The following TMEM131L variants were observed in gnomAD, a reference collection of about 807,000 sequenced individuals.
TMEM131L encodes the protein transmembrane 131 like.
TMEM131L carries 54 observed loss-of-function variants against 192.2 expected under a neutral mutation model. The ratio of observed to expected loss-of-function variants is 0.28; its 90% CI spans 0.23 to 0.35. The LOEUF (loss-of-function observed/expected upper bound fraction) is 0.35. Ranked by LOEUF, TMEM131L falls within the 10% of genes least tolerant of loss-of-function variation. TMEM131L has a pLI of 1.00. For synonymous variants in TMEM131L, 701 were observed against 704.9 expected, an observed-to-expected ratio of 0.99 and a Z score of 0.09; for missense variants, 1,888 against 1,972.9, an observed-to-expected ratio of 0.96 and a Z score of 0.82.
intron 32 of TMEM131L, among the ~76,000 whole-genome samples, chr4:153,633,774 A>G (rs891686602): frequency 6.6e-6 from 1 of 152,240 alleles, no homozygotes; most frequent in Non-Finnish European, 1.5e-5. Flanking sequence ...ATAATGAAGT[A>G]TAGTCTTTAT....
intron 3 of TMEM131L, among the ~76,000 whole-genome samples, chr4:153,487,905 G>A (rs1300603190): frequency 3.3e-5 from 5 of 151,788 alleles, no homozygotes; most frequent in Non-Finnish European, 5.9e-5. Context: ...TGGGCCTGTG[G>A]CTGAGATGTG....
intron 3 of TMEM131L, among the ~76,000 whole-genome samples, chr4:153,537,811 A>G (rs578190414): frequency 6.6e-6 from 1 of 152,284 alleles, no homozygotes; most frequent in Admixed American, 6.5e-5. Context: ...TTTAAGATGG[A>G]GTTGCTCTGG....
intron 3 of TMEM131L, among the ~76,000 whole-genome samples, chr4:153,489,634 T>C (rs1387017309): frequency 6.6e-6 from 1 of 152,136 alleles, no homozygotes; most frequent in African/African-American, 2.4e-5. Context: ...TGTACCACCA[T>C]GCCCGGCTAA....
intron 17 of TMEM131L, among the ~76,000 whole-genome samples, chr4:153,591,651 G>T (rs759895686): frequency 6.6e-6 from 1 of 152,166 alleles, no homozygotes; most frequent in East Asian, 1.9e-4. Context: ...AGGGAAGGAC[G>T]TGCCTCCAGC....
intron 3 of TMEM131L, among the ~76,000 whole-genome samples, chr4:153,489,649 TGTATTTTTA>T (rs1193242604): frequency 6.6e-5 from 10 of 152,134 alleles, no homozygotes; most frequent in Admixed American, 6.5e-4. Context: ...GGCTAATTTT[TGTATTTTTA>T]GTAGAGACGG....
At chr4:153,557,493 CATTG>C (rs1728553243) in intron 6 of TMEM131L, among the ~76,000 whole-genome samples, 1 of 152,214 alleles carries the variant, frequency 6.6e-6, no homozygotes, top group South Asian at 2.1e-4. Context: ...AATTAGGAGA[CATTG>C]ATTGTGTGCT....
intron 7 of TMEM131L, among the ~76,000 whole-genome samples, chr4:153,577,237 C>T (rs529717711): frequency 1.6e-4 from 25 of 152,114 alleles, no homozygotes; most frequent in Middle Eastern, 3.4e-3. Flanking sequence ...AGGCAGGTGC[C>T]GGAGTTTTAT....
At chr4:153,472,240 C>T (rs1024113263) in intron 2 of TMEM131L, among the ~76,000 whole-genome samples, 9 of 152,096 alleles carry the variant, frequency 5.9e-5, no homozygotes, top group Admixed American at 4.6e-4. Flanking sequence ...AGTGACAGTC[C>T]TAGGAGAGTA....
intron 3 of TMEM131L, among the ~76,000 whole-genome samples, chr4:153,504,493 TG>T (rs1311646597): frequency 2.6e-5 from 4 of 151,174 alleles, no homozygotes; most frequent in Non-Finnish European, 5.9e-5. Flanking sequence ...TTGGTCAGGC[TG>T]GTCTCTAACT....
At chr4:153,632,480 T>C (rs1011113086) in intron 31 of TMEM131L, 1 of 490,752 alleles carries the variant, frequency 2.0e-6, no homozygotes, top group South Asian at 2.5e-5. Flanking sequence ...CAAATATTTG[T>C]TATGTGAGTC....
rs770603039 is a variant in TMEM131L, at chr4:153,586,309, A to G, written c.1412A>G (p.Asn471Ser). 2.3e-5 allele frequency: 37 copies of G among 1,604,852 alleles called. No homozygotes were observed. The highest frequency in any genetic ancestry group is 3.1e-5 in the Non-Finnish European group (36 of 1,176,762). Residue 471 changes from asparagine (N) to serine (S), a missense_variant, in exon 14 of 35, where the codon AAT becomes AGT. Coordinates refer to ENST00000409959, the MANE Select transcript of TMEM131L (RefSeq NM_001131007.2). ...VKDIAINLFT[N>S]VFLTTNIGAI... Reference sequence around the variant, plus strand: ...GACATTGCCATAAATCTATTCACCAATGTATTTTTGACTACAAACATAGGT... The same window carrying G: ...GACATTGCCATAAATCTATTCACCAGTGTATTTTTGACTACAAACATAGGT...
rs757316094 is a variant in TMEM131L at position 153,604,283 on chromosome 4, A to C, written c.3271A>C (p.Ile1091Leu). 2 of 1,614,084 alleles carry C rather than the reference A, an allele frequency of 1.2e-6. No homozygotes were observed. Among genetic ancestry groups the C allele is most frequent in the East Asian group, 2.2e-5 (1 of 44,894 alleles). ...ATGTATGTTTCCTAAGGAAACTGAC[A>C]TTAAAACTTCAGAGAACACAGCCGA... ...QTCMFPKETD[I>L]KTSENTAEFK... Residue 1091 changes from isoleucine to leucine, a missense_variant, in exon 25 of 35, where the codon ATT (isoleucine) becomes CTT (leucine). Coordinates refer to ENST00000409959, the MANE Select transcript of TMEM131L (RefSeq NM_001131007.2).
At chr4:153,513,903 CTT>C (rs1465968275) in intron 3 of TMEM131L, among the ~76,000 whole-genome samples, 1 of 152,142 alleles carries the variant, frequency 6.6e-6, no homozygotes, top group Non-Finnish European at 1.5e-5. Context: ...CATGCTGAGA[CTT>C]AGGTCATGGT....
In TMEM131L at chr4:153,603,959, G is replaced by A. The variant is rs767232587; in HGVS notation, c.2947G>A (p.Val983Met). 3 of 1,614,042 alleles carry A rather than the reference G, an allele frequency of 1.9e-6. No individual in the cohort carries two copies. The highest frequency in any genetic ancestry group is 2.5e-6 in the Non-Finnish European group (3 of 1,179,982). Residue 983 changes from valine (V) to methionine (M), a missense_variant, in exon 25 of 35, where the codon GTG (valine) becomes ATG (methionine). Coordinates refer to ENST00000409959, the MANE Select transcript of TMEM131L (RefSeq NM_001131007.2). ...TTCTCAGAAGAAGCACAAATGCTCA[G>A]TGTATTACAGTAAACACAAAACCAG... ...GHSQKKHKCS[V>M]YYSKHKTSTA...
At chr4:153,571,073 TTCTC>T (rs1005564844) in intron 7 of TMEM131L, among the ~76,000 whole-genome samples, 5 of 152,216 alleles carry the variant, frequency 3.3e-5, no homozygotes, top group African/African-American at 1.2e-4. Flanking sequence ...CTTTAGATCT[TTCTC>T]TAGATTTTTT....
chr4:153,494,421 A>G (rs536150363), intron 3 of TMEM131L, among the ~76,000 whole-genome samples: 24 of 152,360 alleles, frequency 1.6e-4, no homozygotes, highest in Admixed American at 3.9e-4. Context: ...ACTTCTTTAC[A>G]GAAAAATTTT....
chr4:153,472,877 C>T (rs577356076), intron 2 of TMEM131L, among the ~76,000 whole-genome samples: 5 of 152,308 alleles, frequency 3.3e-5, no homozygotes, highest in African/African-American at 9.6e-5. Context: ...CCTGGGACCA[C>T]AGTCAAGTGC....
At chr4:153,578,889 C>T (rs976027079) in intron 7 of TMEM131L, among the ~76,000 whole-genome samples, 3 of 151,570 alleles carry the variant, frequency 2.0e-5, no homozygotes, top group Non-Finnish European at 4.4e-5. Flanking sequence ...AACTGCTGAC[C>T]TCAGATGATC....
intron 7 of TMEM131L, among the ~76,000 whole-genome samples, chr4:153,574,674 G>A (rs376610078): frequency 5.3e-5 from 8 of 152,206 alleles, no homozygotes; most frequent in East Asian, 3.9e-4. Flanking sequence ...TTGCAGCTCC[G>A]CCTCCCGGGT....
Sources: gnomAD v4.1 joint callset for allele counts (sites outside exome capture counted in the v4.1 genomes callset) on GRCh38, gnomAD v4.1.1 for gene constraint, MANE v1.5 for transcripts, NCBI Gene and HGNC (gene_info 2026-07-23, HGNC 2026-07-21) for gene names.